The following WDR25 variants were observed in gnomAD, a reference collection of about 807,000 sequenced individuals.
WDR25 encodes WD repeat-containing protein 25.
A neutral mutation model predicts 47.7 loss-of-function variants in WDR25; 35 were observed. The observed-to-expected ratio is 0.73, with a 90% CI of 0.56 to 0.97. WDR25 has a LOEUF of 0.97. Among genes scored for constraint, WDR25 ranks in the 50% least tolerant of loss-of-function variants. The pLI is 0.00. For missense variants in WDR25, 634 were observed against 704.7 expected (o/e 0.90, Z 1.14); for synonymous variants, 248 against 278.9 (o/e 0.89, Z 1.10).
Position 100,425,016 on chromosome 14 carries a change from C to T in WDR25, c.823-43005C>T, listed in dbSNP as rs906363471. Among the ~76,000 whole-genome samples, 1 of 152,188 alleles carries T rather than the reference C, an allele frequency of 6.6e-6. No individual in the cohort carries two copies. The highest frequency in any genetic ancestry group is 2.4e-5 in the African/African-American group (1 of 41,426). ...CTGTCTGTTTCTCTCTTCATCCACA[C>T]CTTCCTGGCCCAGGCTACCATCATA... On this transcript the variant is annotated intron_variant, in intron 2 of 6. Coordinates refer to ENST00000402312, the MANE Select transcript of WDR25 (RefSeq NM_001161476.3). This position sits in a 1 kb window ranked among gnomAD's most constrained non-coding sequence, Gnocchi z 4.8.
At chr14:100,388,529 G>A (rs1313495413) in intron 2 of WDR25, among the ~76,000 whole-genome samples, 1 of 152,172 alleles carries the variant, frequency 6.6e-6, no homozygotes, top group African/African-American at 2.4e-5. Flanking sequence ...TAGACTGGTT[G>A]GCAGCAGAGC....
intron 2 of WDR25, among the ~76,000 whole-genome samples, chr14:100,441,311 GT>G (rs1303552724): frequency 6.6e-6 from 1 of 152,290 alleles, no homozygotes; most frequent in Non-Finnish European, 1.5e-5. Flanking sequence ...CTAGAAAGAT[GT>G]TTATGGGGAT....
chr14:100,409,425 C>T (rs1283388965), intron 2 of WDR25, among the ~76,000 whole-genome samples: 1 of 151,580 alleles, frequency 6.6e-6, no homozygotes, highest in Non-Finnish European at 1.5e-5. Flanking sequence ...AGGACCCCCC[C>T]CCACCCATCC....
intron 2 of WDR25, among the ~76,000 whole-genome samples, chr14:100,442,854 C>A (rs1439700112): frequency 6.6e-6 from 1 of 152,220 alleles, no homozygotes; most frequent in African/African-American, 2.4e-5. Context: ...GTCTGAAAGC[C>A]ATTTCTTTAT....
At position 100,528,173 on chromosome 14, in the gene WDR25, G is replaced by A. The variant is rs560765958; in HGVS notation, c.1273-895G>A. On this transcript the variant is annotated intron_variant, in intron 5 of 6. Transcript: ENST00000402312. ...AATTACACAAACTTGGTGGCTGGAA[G>A]AACACAAACTTATTCCCTCACAGTT... is the stretch of plus-strand genomic sequence containing the variant. Among the ~76,000 whole-genome samples, 6 of 152,248 alleles carry A rather than the reference G, an allele frequency of 3.9e-5. No homozygotes were observed. In the South Asian group the frequency reaches 1.2e-3, roughly 32 times the overall value.
intron 2 of WDR25, among the ~76,000 whole-genome samples, chr14:100,382,581 TC>T (rs960659306): frequency 1.3e-5 from 2 of 152,118 alleles, no homozygotes; most frequent in Non-Finnish European, 2.9e-5. Flanking sequence ...AGTAATGTAG[TC>T]CCCCAGTATG....
At chr14:100,475,589 A>G (rs1037734410) in intron 3 of WDR25, among the ~76,000 whole-genome samples, 1 of 152,230 alleles carries the variant, frequency 6.6e-6, no homozygotes, top group African/African-American at 2.4e-5. Flanking sequence ...TTGATCTCGT[A>G]GAAGCGTTGA....
intron 2 of WDR25, among the ~76,000 whole-genome samples, chr14:100,462,314 T>C (rs544665016): frequency 7.2e-5 from 11 of 152,374 alleles, no homozygotes; most frequent in African/African-American, 2.6e-4. Flanking sequence ...CTTGGAACAT[T>C]TGACAGAAGA....
intron 4 of WDR25, among the ~76,000 whole-genome samples, chr14:100,521,812 C>T (rs1280611987): frequency 3.3e-5 from 5 of 152,116 alleles, no homozygotes; most frequent in East Asian, 1.9e-4. Context: ...TGCCGAGTAA[C>T]GATGCATATG....
chr14:100,457,973 A>G (rs889925231), intron 2 of WDR25, among the ~76,000 whole-genome samples: 7 of 152,226 alleles, frequency 4.6e-5, no homozygotes, highest in Admixed American at 1.3e-4. Context: ...AAGATATTCA[A>G]TGCAAAAGAA....
At position 100,425,204 on chromosome 14, in the gene WDR25, G is replaced by A. The variant is rs952192508; in HGVS notation, c.823-42817G>A. Among the ~76,000 whole-genome samples the A allele has an allele frequency of 4.6e-5, 7 of 152,202 alleles. No individual in the cohort carries two copies. Among genetic ancestry groups the A allele is most frequent in the African/African-American group, 1.7e-4 (7 of 41,448 alleles). On this transcript the variant is annotated intron_variant, in intron 2 of 6. Transcript: ENST00000402312. This position sits in a 1 kb window ranked among gnomAD's most constrained non-coding sequence, Gnocchi z 4.8. ...ATCAAGTTCCTCTTCCTTGATGTGG[G>A]TCCTGGGTCCTTGGAGGCTGGTTGT...
At position 100,430,151 on chromosome 14, in the gene WDR25, GGTGTGTGTGTGT is replaced by G. The variant is rs59318813; in HGVS notation, c.823-37847_823-37836del. Among the ~76,000 whole-genome samples, 3 of 146,892 alleles carry G rather than the reference GGTGTGTGTGTGT, an allele frequency of 2.0e-5. No homozygotes were observed. Among genetic ancestry groups the G allele is most frequent in the East Asian group, 2.0e-4 (1 of 4,970 alleles). ...CAAATCTTGCAGACCAAGGGGGCCT[GGTGTGTGTGTGT>G]GTGTGTGTGTGTGTGTGTGTGTTCC... On this transcript the variant is annotated intron_variant, in intron 2 of 6. Coordinates refer to ENST00000402312, the MANE Select transcript of WDR25 (RefSeq NM_001161476.3). This position sits in a 1 kb window ranked among gnomAD's most constrained non-coding sequence, Gnocchi z 4.7.
At chr14:100,403,433 G>A (rs1201001523) in intron 2 of WDR25, among the ~76,000 whole-genome samples, 1 of 152,230 alleles carries the variant, frequency 6.6e-6, no homozygotes, top group Non-Finnish European at 1.5e-5. Context: ...TCCTGGGAAG[G>A]AACTGGGCAG....
intron 2 of WDR25, among the ~76,000 whole-genome samples, chr14:100,423,837 G>A (rs151237076): frequency 6.6e-6 from 1 of 152,322 alleles, no homozygotes; most frequent in East Asian, 1.9e-4. Flanking sequence ...GTCTTTTGCA[G>A]GCACTCAGGA....
intron 3 of WDR25, among the ~76,000 whole-genome samples, chr14:100,483,583 G>A (rs1173194272): frequency 1.3e-5 from 2 of 152,174 alleles, no homozygotes; most frequent in Admixed American, 1.3e-4. Context: ...TAGACTCCCA[G>A]ATAAATAATC....
In WDR25 at chr14:100,502,408, C is replaced by G. The variant is rs762174466; in HGVS notation, c.1101+18284C>G. Among the ~76,000 whole-genome samples the G allele has an allele frequency of 6.6e-6, 1 of 152,214 alleles. No individual in the cohort carries two copies. The highest frequency in any genetic ancestry group is 1.5e-5 in the Non-Finnish European group (1 of 68,034). ...ACTCCATGACCTAGCCTGTGTAGAG[C>G]ACAACCCCCAGTTGTTAGCTGGGAA... On this transcript the variant is annotated intron_variant, in intron 4 of 6. Coordinates refer to ENST00000402312, the MANE Select transcript of WDR25 (RefSeq NM_001161476.3). The surrounding 1 kb of genome is among the most constrained non-coding windows in gnomAD (Gnocchi z 4.5).
chr14:100,526,378 G>A (rs528605702), intron 5 of WDR25, among the ~76,000 whole-genome samples: 173 of 152,134 alleles, frequency 1.1e-3, no homozygotes, highest in Admixed American at 3.5e-3. Flanking sequence ...ACTCAGAAGG[G>A]GTTTCTGACC....
intron 2 of WDR25, among the ~76,000 whole-genome samples, chr14:100,423,393 C>T (rs77114744): frequency 2.3e-3 from 355 of 152,266 alleles, no homozygotes; most frequent in African/African-American, 8.4e-3. Context: ...GGGCTTCCTC[C>T]TTGGGCCACA....
Position 100,530,212 on chromosome 14 carries a change from AGT to A in WDR25, c.*175_*176del. The A allele has an allele frequency of 1.4e-6, 1 of 697,656 alleles. No homozygotes were observed. The highest frequency in any genetic ancestry group is 1.9e-5 in the South Asian group (1 of 52,012). 43.2% of individuals were successfully genotyped at this position (697,656 alleles called of 1,614,324 possible). ...GGGAGAAAAGTCTGTTTGCCTCAGGAGTGTGAGGACTACACTAGTGAAAGCGC... is the reference window on the plus strand; with the variant it reads ...GGGAGAAAAGTCTGTTTGCCTCAGGAGTGAGGACTACACTAGTGAAAGCGC... On this transcript the variant is annotated 3_prime_UTR_variant, in exon 7 of 7. Transcript: ENST00000402312.
Sources: gnomAD v4.1 joint callset for allele counts (sites outside exome capture counted in the v4.1 genomes callset) on GRCh38, gnomAD v4.1.1 for gene constraint, Gnocchi (gnomAD v3.1) non-coding constraint, MANE v1.5 for transcripts, NCBI Gene and HGNC (gene_info 2026-07-23, HGNC 2026-07-21) for gene names.